The following TPST2 variants were observed in gnomAD, a reference collection of about 807,000 sequenced individuals.
TPST2 encodes the protein tyrosylprotein sulfotransferase 2.
Under a neutral mutation model 27.8 loss-of-function variants are expected in TPST2, and 16 were observed. The observed-to-expected ratio is 0.58, with a 90% CI of 0.39 to 0.88. The LOEUF (loss-of-function observed/expected upper bound fraction) is 0.88, where lower values mean the gene tolerates loss of function less well. TPST2 is among the 40% of genes least tolerant of loss of function. The probability of loss-of-function intolerance (pLI) is 0.00; values close to 1 mark genes in which losing one functional copy is unlikely to be tolerated. For synonymous variants in TPST2, 229 were observed against 231.7 expected, an observed-to-expected ratio of 0.99 and a Z score of 0.10; for missense variants, 464 against 543.1, an observed-to-expected ratio of 0.85 and a Z score of 1.45.
At chr22:26,529,629 G>A (rs184869665) in intron 5 of TPST2, among the ~76,000 whole-genome samples, 7 of 152,216 alleles carry the variant, frequency 4.6e-5, no homozygotes, top group Non-Finnish European at 8.8e-5. Flanking sequence ...ACATTGAGAG[G>A]CTGGGAGGGT....
chr22:26,548,268 G>A (rs1926234255), intron 1 of TPST2, among the ~76,000 whole-genome samples: 1 of 151,102 alleles, frequency 6.6e-6, no homozygotes, highest in South Asian at 2.1e-4. Context: ...CTTAAGCTTG[G>A]GAGTTCAAGA....
intron 1 of TPST2, among the ~76,000 whole-genome samples, chr22:26,573,654 T>A (rs928948269): frequency 2.0e-5 from 3 of 152,264 alleles, no homozygotes; most frequent in Non-Finnish European, 4.4e-5. Context: ...AAATACTTGC[T>A]GGATGTAATG....
At chr22:26,532,170 G>A (rs2147175857) in intron 5 of TPST2, among the ~76,000 whole-genome samples, 1 of 152,340 alleles carries the variant, frequency 6.6e-6, no homozygotes, top group Non-Finnish European at 1.5e-5. Context: ...ATTCAAGCCG[G>A]AAGACGAAGT....
chr22:26,537,055 C>CA lies in TPST2; in HGVS notation c.843-570dup, dbSNP rs35028987. Among the ~76,000 whole-genome samples the CA allele has an allele frequency of 6.5e-3, 953 of 145,570 alleles. 16 individuals carry two copies. The highest frequency in any genetic ancestry group is 0.022 in the African/African-American group (869 of 39,576). On this transcript the variant is annotated intron_variant, in intron 3 of 6. Coordinates refer to ENST00000338754, the MANE Select transcript of TPST2 (RefSeq NM_003595.5). ...TGGGCAACAGAGCAAGACCCTGTCT[C>CA]AAAAAAAAAAGAAACACTTTTTAAT...
At chr22:26,581,400 C>T (rs1928108118) in intron 1 of TPST2, among the ~76,000 whole-genome samples, 1 of 152,184 alleles carries the variant, frequency 6.6e-6, no homozygotes, top group Non-Finnish European at 1.5e-5. Context: ...ACTTCCAGCA[C>T]AGGGTGCACA....
chr22:26,536,047 G>A, intron 4 of TPST2: 1 of 678,460 alleles, frequency 1.5e-6, no homozygotes, highest in Non-Finnish European at 2.8e-6. Flanking sequence ...TGTACAAGCT[G>A]GCCTGCTGTT....
rs1926023959 is a variant in TPST2 at position 26,544,656 on chromosome 22, G to A, written c.-141C>T. The A allele has an allele frequency of 1.0e-6, 1 of 986,038 alleles. No individual in the cohort carries two copies. The highest frequency in any genetic ancestry group is 1.2e-6 in the Non-Finnish European group (1 of 830,040). 61.1% of individuals were successfully genotyped at this position (986,038 alleles called of 1,614,324 possible). On this transcript the variant is annotated 5_prime_UTR_variant, in exon 2 of 7. Transcript: ENST00000338754. The stretch of plus-strand genomic sequence containing the variant: ...TCCAGCCCTTGTGCCTGTGTGCCAA[G>A]GCTGTCTGCTGGCAGAGCCCTGGAG...
chr22:26,585,223 C>T (rs1391865146), intron 1 of TPST2, among the ~76,000 whole-genome samples: 1 of 152,170 alleles, frequency 6.6e-6, no homozygotes, highest in Non-Finnish European at 1.5e-5. Flanking sequence ...CTGCAGAAGC[C>T]CCAGTCAAAA....
chr22:26,573,688 C>G (rs767205917), intron 1 of TPST2, among the ~76,000 whole-genome samples: 1 of 151,452 alleles, frequency 6.6e-6, no homozygotes, highest in Non-Finnish European at 1.5e-5. Context: ...TGGCCTCAAC[C>G]TTTTTTTTTG....
intron 2 of TPST2, 26 bp downstream of exon 2, chr22:26,544,578 G>A: frequency 1.0e-6 from 1 of 985,116 alleles, no homozygotes; most frequent in African/African-American, 1.7e-5. Flanking sequence ...AGGACTCCAG[G>A]GGAAGTTCCT....
At chr22:26,589,611 G>T (rs1029798313) in intron 1 of TPST2, among the ~76,000 whole-genome samples, 1 of 152,142 alleles carries the variant, frequency 6.6e-6, no homozygotes, top group Admixed American at 6.5e-5. Flanking sequence ...GACGCTCCTC[G>T]CAACTCCACG....
chr22:26,555,761 TA>T (rs983652648), intron 1 of TPST2, among the ~76,000 whole-genome samples: 2 of 152,172 alleles, frequency 1.3e-5, no homozygotes, highest in African/African-American at 4.8e-5. Flanking sequence ...GAAGACCTAA[TA>T]ACACCCAACA....
chr22:26,537,709 T>A (rs2147183748), intron 3 of TPST2, among the ~76,000 whole-genome samples: 1 of 152,280 alleles, frequency 6.6e-6, no homozygotes, highest in African/African-American at 2.4e-5. Flanking sequence ...CGCCTCGGCC[T>A]CCCAAAGTGC....
intron 1 of TPST2, among the ~76,000 whole-genome samples, chr22:26,562,260 G>A (rs1385843866): frequency 2.0e-5 from 3 of 152,174 alleles, no homozygotes; most frequent in African/African-American, 7.2e-5. Flanking sequence ...GCCCATATGC[G>A]AGAAGGACTT....
chr22:26,577,504 T>C lies in TPST2; in HGVS notation c.-161+12549A>G, dbSNP rs570164767. 3.7e-3 allele frequency among the ~76,000 whole-genome samples: 565 copies of C among 151,924 alleles called. 1 individual carries two copies. Among genetic ancestry groups the C allele is most frequent in the Admixed American group, 8.3e-3 (127 of 15,248 alleles). Reference sequence around the variant, plus strand: ...CTGGGACTACAAGTGTGTGCCACCATGCCCAGCTAATTTTTTGTATTTTTT... The same window carrying C: ...CTGGGACTACAAGTGTGTGCCACCACGCCCAGCTAATTTTTTGTATTTTTT... On this transcript the variant is annotated intron_variant, in intron 1 of 6. Transcript: ENST00000338754.
intron 4 of TPST2, among the ~76,000 whole-genome samples, chr22:26,533,390 A>G (rs181700940): frequency 6.6e-6 from 1 of 152,168 alleles, no homozygotes; most frequent in African/African-American, 2.4e-5. Flanking sequence ...ACTCCACTCT[A>G]GCCTGAGTGA....
rs77312781 is a variant in TPST2, at chr22:26,527,486, G to A, written c.*7+728C>T. On this transcript the variant is annotated intron_variant, in intron 6 of 6. Transcript: ENST00000338754. The stretch of plus-strand genomic sequence containing the variant: ...AGATGAAGAAAACAGGGGCTGAAGG[G>A]AGTTAAACCTGGAGATCTTAAATCT... Among the ~76,000 whole-genome samples the A allele has an allele frequency of 9.0e-3, 1,375 of 152,236 alleles. 19 individuals carry two copies. Among genetic ancestry groups the A allele is most frequent in the African/African-American group, 0.032 (1,325 of 41,516 alleles).
intron 1 of TPST2, among the ~76,000 whole-genome samples, chr22:26,546,071 C>T (rs1172081049): frequency 4.2e-5 from 6 of 142,146 alleles, no homozygotes; most frequent in Non-Finnish European, 7.5e-5. Flanking sequence ...AGCAAGACCA[C>T]GTCTCAAAAA....
chr22:26,536,787 A>G (rs1925498138), intron 3 of TPST2, among the ~76,000 whole-genome samples: 1 of 152,228 alleles, frequency 6.6e-6, no homozygotes, highest in East Asian at 1.9e-4. Flanking sequence ...GGTCAGGCAC[A>G]GTGGCTCACA....
Sources: allele counts gnomAD v4.1 joint callset (sites outside exome capture counted in the v4.1 genomes callset), GRCh38; gene constraint gnomAD v4.1.1; transcripts MANE v1.5; gene names NCBI Gene and HGNC (gene_info 2026-07-23, HGNC 2026-07-21).